Variants in C4orf51 observed in about 807,000 individuals in gnomAD.
C4orf51 encodes chromosome 4 open reading frame 51.
C4orf51 carries 25 observed loss-of-function variants against 25.2 expected under a neutral mutation model. The observed-to-expected ratio is 0.99, with a 90% confidence interval of 0.72 to 1.39. C4orf51 has a LOEUF of 1.39. Among genes scored for constraint, C4orf51 ranks in the 40% most tolerant of loss-of-function variants. The pLI, the probability that C4orf51 is intolerant of heterozygous loss-of-function variation, is 0.00. For synonymous variants in C4orf51, 100 were observed against 84.5 expected, an observed-to-expected ratio of 1.18 and a Z score of -1.01; for missense variants, 252 against 239.6, an observed-to-expected ratio of 1.05 and a Z score of -0.34.
chr4:145,718,414 A>T (rs1166262491), intron 2 of C4orf51, among the ~76,000 whole-genome samples: 1 of 152,242 alleles, frequency 6.6e-6, no homozygotes, highest in Non-Finnish European at 1.5e-5. Flanking sequence ...AGAGGGCAAA[A>T]TGCATATGAG....
the C4orf51 span, among the ~76,000 whole-genome samples, chr4:145,789,180 T>G: frequency 6.6e-6 from 1 of 152,130 alleles, no homozygotes; most frequent in Non-Finnish European, 1.5e-5. Context: ...AAATGGTGGG[T>G]CCTCGATATT....
chr4:145,695,031 G>A (rs1262215922), intron 1 of C4orf51, among the ~76,000 whole-genome samples: 1 of 151,986 alleles, frequency 6.6e-6, no homozygotes, highest in Non-Finnish European at 1.5e-5. Flanking sequence ...GGAAAGAGTG[G>A]AAGAGAACAA....
the C4orf51 span, among the ~76,000 whole-genome samples, chr4:145,790,452 T>G: frequency 5.9e-4 from 90 of 152,332 alleles, no homozygotes; most frequent in African/African-American, 2.0e-3. Flanking sequence ...TCTAAAATAC[T>G]AAAATTTTAA....
chr4:145,704,135 C>T (rs752139910), intron 2 of C4orf51, among the ~76,000 whole-genome samples: 4 of 152,150 alleles, frequency 2.6e-5, no homozygotes, highest in Admixed American at 2.0e-4. Context: ...TCTTGGCTGG[C>T]AAAGGTGGCT....
chr4:145,732,721 C>T lies in C4orf51; in HGVS notation c.*161C>T. On this transcript the variant is annotated 3_prime_UTR_variant, in exon 6 of 6. Transcript: ENST00000438731. The stretch of plus-strand genomic sequence containing the variant: ...GGACAATTCCATGGGCTTCATTTAT[C>T]AGTTTTTTCCCTTTTTAATTGGTGG... The T allele has an allele frequency of 2.1e-6, 1 of 485,310 alleles. No individual in the cohort carries two copies. Among genetic ancestry groups the T allele is most frequent in the Non-Finnish European group, 3.6e-6 (1 of 274,722 alleles). 30.1% of individuals were successfully genotyped at this position (485,310 alleles called of 1,614,324 possible).
intron 2 of C4orf51, among the ~76,000 whole-genome samples, chr4:145,699,797 C>A (rs564985435): frequency 4.0e-4 from 61 of 152,082 alleles, no homozygotes; most frequent in Non-Finnish European, 7.8e-4. Flanking sequence ...CCCTTCTCTG[C>A]TTTTGTGGGG....
At chr4:145,786,864 C>A in the C4orf51 span, among the ~76,000 whole-genome samples, 2 of 152,144 alleles carry the variant, frequency 1.3e-5, no homozygotes, top group African/African-American at 2.4e-5. Flanking sequence ...CAACATCTAC[C>A]GTTTTAGAAT....
chr4:145,687,335 T>A (rs1729226921), intron 1 of C4orf51, among the ~76,000 whole-genome samples: 1 of 152,238 alleles, frequency 6.6e-6, no homozygotes. Context: ...TATTGATTGA[T>A]GTCTCATGTT....
rs28784085 is a variant in C4orf51 at position 145,746,129 on chromosome 4, C to G, written n.168-8078C>G. On this transcript the variant is annotated intron_variant and non_coding_transcript_variant, in intron 1 of 1. Coordinates refer to the C4orf51 transcript ENST00000508981. Reference sequence around the variant, plus strand: ...TATATTCTGATTACTAATCCCTTGTCAGATGGGTAGTTTGCAAATGTTTTC... The same window carrying G: ...TATATTCTGATTACTAATCCCTTGTGAGATGGGTAGTTTGCAAATGTTTTC... Among the ~76,000 whole-genome samples, 697 of 152,250 alleles carry G rather than the reference C, an allele frequency of 4.6e-3. 4 individuals are homozygous for G. Among genetic ancestry groups the G allele is most frequent in the African/African-American group, 0.016 (646 of 41,556 alleles).
chr4:145,739,362 T>C (rs1037539528), intron 1 of C4orf51, among the ~76,000 whole-genome samples: 4 of 152,202 alleles, frequency 2.6e-5, no homozygotes, highest in African/African-American at 9.6e-5. Flanking sequence ...AGTTTACTAC[T>C]CCAGACTGAG....
In C4orf51 at chr4:145,760,720, G is replaced by GTTT. The variant is rs10715391; in HGVS notation, n.167-10253_167-10251dup. On this transcript the variant is annotated intron_variant and non_coding_transcript_variant, in intron 1 of 1. Transcript: ENST00000510096. Reference sequence around the variant, plus strand: ...GCTGGGGTTGTGTTTAAGTTTTGTGGTTTTTTTTTTTTTTTTTGTCTTTTG... The same window carrying GTTT: ...GCTGGGGTTGTGTTTAAGTTTTGTGGTTTTTTTTTTTTTTTTTTTTGTCTTTTG... 1.3e-4 allele frequency: 94 copies of GTTT among 706,326 alleles called. No individual in the cohort carries two copies. In the African/African-American group the frequency reaches 1.6e-3, roughly 12 times the overall value. 43.8% of individuals were successfully genotyped at this position (706,326 alleles called of 1,614,324 possible).
rs114776539 is a variant in C4orf51 at position 145,725,812 on chromosome 4, T to A, written c.308-1099T>A. On this transcript the variant is annotated intron_variant, in intron 2 of 5. Coordinates refer to ENST00000438731, the MANE Select transcript of C4orf51 (RefSeq NM_001080531.3). ...ATTAACTATAAATGAGCAAAAGGAA[T>A]CTTATTGGGATGATGAAAATACTCT... Among the ~76,000 whole-genome samples the A allele has an allele frequency of 7.3e-3, 1,111 of 152,240 alleles. 10 individuals carry two copies. The highest frequency in any genetic ancestry group is 0.01 in the Non-Finnish European group (691 of 68,010).
intron 1 of C4orf51, among the ~76,000 whole-genome samples, chr4:145,751,001 T>C (rs1733641358): frequency 1.3e-5 from 2 of 152,130 alleles, no homozygotes; most frequent in South Asian, 4.1e-4. Context: ...TCTTTTTATT[T>C]CCATCTTTGC....
chr4:145,787,299 C>T, the C4orf51 span, among the ~76,000 whole-genome samples: 1 of 151,988 alleles, frequency 6.6e-6, no homozygotes, highest in African/African-American at 2.4e-5. Flanking sequence ...CCCGTCTCTA[C>T]TAAAAATACA....
At chr4:145,733,468 C>T (rs1732624417), downstream of C4orf51, among the ~76,000 whole-genome samples, 1 of 152,254 alleles carries the variant, frequency 6.6e-6, no homozygotes. Context: ...CCGCCGACTT[C>T]TGAGGAAAAG....
At chr4:145,694,159 C>G (rs185524786) in intron 1 of C4orf51, among the ~76,000 whole-genome samples, 3 of 140,832 alleles carry the variant, frequency 2.1e-5, no homozygotes, top group African/African-American at 8.3e-5. Flanking sequence ...TCCTCACATC[C>G]CAGACGATGT....
chr4:145,754,978 T>C (rs912653994), downstream of C4orf51, among the ~76,000 whole-genome samples: 1 of 152,146 alleles, frequency 6.6e-6, no homozygotes, highest in Non-Finnish European at 1.5e-5. Context: ...TCTCCCAACC[T>C]TTGAAGTGAG....
intron 2 of C4orf51, among the ~76,000 whole-genome samples, chr4:145,721,122 G>A (rs370166269): frequency 6.6e-5 from 10 of 151,912 alleles, no homozygotes; most frequent in African/African-American, 2.2e-4. Context: ...TGAGGTGGGC[G>A]GATCACAAGG....
At chr4:145,714,315 T>G (rs1731286248) in intron 2 of C4orf51, among the ~76,000 whole-genome samples, 1 of 152,198 alleles carries the variant, frequency 6.6e-6, no homozygotes, top group Non-Finnish European at 1.5e-5. Flanking sequence ...TGAAGCAAAT[T>G]AAATATCCAT....
Sources: allele counts gnomAD v4.1 joint callset (sites outside exome capture counted in the v4.1 genomes callset), GRCh38; gene constraint gnomAD v4.1.1; transcripts MANE v1.5; gene names NCBI Gene and HGNC (gene_info 2026-07-23, HGNC 2026-07-21).